The following TRIM5 variants were observed in gnomAD, a reference collection of about 807,000 sequenced individuals.
TRIM5 encodes tripartite motif-containing protein 5.
A neutral mutation model predicts 35.6 loss-of-function variants in TRIM5; 31 were observed. The observed-to-expected ratio is 0.87, with a 90% confidence interval of 0.65 to 1.18. The LOEUF is 1.18. TRIM5 is among the 50% of genes most tolerant of loss of function. The probability of loss-of-function intolerance (pLI) is 0.00; values close to 1 mark genes in which losing one functional copy is unlikely to be tolerated. For missense variants in TRIM5, 609 were observed against 591.6 expected (o/e 1.03, Z -0.31); for synonymous variants, 243 against 215.6 (o/e 1.13, Z -1.11).
the TRIM5 span, among the ~76,000 whole-genome samples, chr11:5,618,923 C>G: frequency 2.6e-5 from 4 of 152,292 alleles, no homozygotes; most frequent in South Asian, 8.3e-4. Context: ...ATCAGTGTAG[C>G]ATGATAAGGA....
At chr11:5,644,428 A>G in the TRIM5 span, 1 of 394,762 alleles carries the variant, frequency 2.5e-6, no homozygotes, top group Non-Finnish European at 4.5e-6. Flanking sequence ...CCTGTGCAAT[A>G]GTTTTGTGGC....
the TRIM5 span, among the ~76,000 whole-genome samples, chr11:5,616,368 T>A: frequency 2.7e-5 from 4 of 146,152 alleles, 2 homozygotes; most frequent in East Asian, 8.8e-4. Context: ...TCTAGGTAAA[T>A]AATATAGTTA....
At position 5,678,362 on chromosome 11, in the gene TRIM5, C is replaced by T; in HGVS notation, c.586G>A (p.Glu196Lys). Residue 196 changes from glutamate to lysine, a missense_variant, in exon 4 of 8, where the codon GAG (glutamate) becomes AAG (lysine). Transcript: ENST00000380034. ...TCCAGGTTTTGCAGCTCATTGCTCT[C>T]CTCCCAGTCCAGGATGTCTCTCAGT... ...EQLRDILDWE[E>K]SNELQNLEKE... The T allele has an allele frequency of 6.2e-7, 1 of 1,612,332 alleles. No homozygotes were observed.
At chr11:5,615,933 ATT>A in the TRIM5 span, among the ~76,000 whole-genome samples, 27 of 121,372 alleles carry the variant, frequency 2.2e-4, 2 homozygotes, top group East Asian at 7.0e-4. Context: ...ATATCTTTTC[ATT>A]TTTTTTTTTT....
chr11:5,594,413 T>C, the TRIM5 span, among the ~76,000 whole-genome samples: 1 of 151,970 alleles, frequency 6.6e-6, no homozygotes, highest in African/African-American at 2.4e-5. Flanking sequence ...GCTCAAGTGA[T>C]CCTCCCACCT....
the TRIM5 span, among the ~76,000 whole-genome samples, chr11:5,597,934 T>A: frequency 4.4e-5 from 6 of 136,476 alleles, no homozygotes; most frequent in Admixed American, 4.5e-4. Flanking sequence ...AATATTAAAG[T>A]GCAGATTCTG....
chr11:5,634,150 G>T, the TRIM5 span, among the ~76,000 whole-genome samples: 5 of 152,140 alleles, frequency 3.3e-5, no homozygotes, highest in African/African-American at 1.2e-4. Context: ...GTGTTCCATT[G>T]CTCTTTTCCA....
the TRIM5 span, among the ~76,000 whole-genome samples, chr11:5,629,157 A>T: frequency 2.6e-5 from 4 of 152,122 alleles, no homozygotes; most frequent in African/African-American, 9.7e-5. Flanking sequence ...TACACCTGTA[A>T]TCCCAGCTAC....
At chr11:5,592,672 T>C in the TRIM5 span, among the ~76,000 whole-genome samples, 1 of 151,904 alleles carries the variant, frequency 6.6e-6, no homozygotes, top group African/African-American at 2.4e-5. Context: ...ATCCCAGCAC[T>C]TTGGGAGACT....
At chr11:5,681,239 G>A (rs1362707332) in intron 1 of TRIM5, among the ~76,000 whole-genome samples, 1 of 152,154 alleles carries the variant, frequency 6.6e-6, no homozygotes, top group Non-Finnish European at 1.5e-5. Context: ...GGAACAAACG[G>A]AGGGTCGGCT....
At chr11:5,672,738 TTA>T (rs1325750543) in intron 4 of TRIM5, among the ~76,000 whole-genome samples, 2 of 152,306 alleles carry the variant, frequency 1.3e-5, no homozygotes, top group African/African-American at 4.8e-5. Context: ...TATTAATAGG[TTA>T]TGACATATAT....
the TRIM5 span, among the ~76,000 whole-genome samples, chr11:5,591,607 C>T: frequency 6.6e-6 from 1 of 151,550 alleles, no homozygotes; most frequent in African/African-American, 2.4e-5. Context: ...ATGATCGTGC[C>T]ATTGCACTCC....
At position 5,665,707 on chromosome 11, in the gene TRIM5, T is replaced by C. The variant is rs1180976433; in HGVS notation, c.869-25A>G. 5 of 1,499,620 alleles carry C rather than the reference T, an allele frequency of 3.3e-6. No individual in the cohort carries two copies. The highest frequency in any genetic ancestry group is 2.3e-5 in the East Asian group (1 of 42,616). The allele number at this position is 1,499,620 out of a possible 1,614,324, so 92.9% of individuals were successfully genotyped here. On this transcript the variant is annotated intron_variant, in intron 6 of 7. Transcript: ENST00000380034. ...TCTGAAATGATAAAAATGCACAATA[T>C]TGAATACAAACAAAGGAGTCAGCAC...
chr11:5,604,674 G>T, the TRIM5 span: 1 of 1,593,212 alleles, frequency 6.3e-7, no homozygotes. Flanking sequence ...AGGAATCATG[G>T]CAGGTCATAG....
the TRIM5 span, chr11:5,596,536 T>TCCCCTC: frequency 2.2e-3 from 12 of 5,380 alleles, no homozygotes; most frequent in Non-Finnish European, 5.1e-3. Flanking sequence ...CCTTCCCCCT[T>TCCCCTC]CCCCCTTCCC....
the TRIM5 span, among the ~76,000 whole-genome samples, chr11:5,614,831 T>G: frequency 1.4e-4 from 21 of 152,202 alleles, no homozygotes; most frequent in Non-Finnish European, 2.6e-4. Flanking sequence ...ATATAATACA[T>G]TTCATAAAGT....
the TRIM5 span, chr11:5,632,599 A>T: frequency 6.2e-7 from 1 of 1,613,612 alleles, no homozygotes; most frequent in South Asian, 1.1e-5. Context: ...GAGCCCAGAC[A>T]ATGGGAAGAA....
chr11:5,622,893 A>T, the TRIM5 span, among the ~76,000 whole-genome samples: 1 of 152,236 alleles, frequency 6.6e-6, no homozygotes, highest in East Asian at 1.9e-4. Flanking sequence ...CAAGGTGGTC[A>T]GGGCACAGCT....
At chr11:5,614,075 G>C in the TRIM5 span, among the ~76,000 whole-genome samples, 1 of 152,182 alleles carries the variant, frequency 6.6e-6, no homozygotes, top group African/African-American at 2.4e-5. Flanking sequence ...TCACAGCTCT[G>C]ACCTTTTCTT....
Sources: allele counts gnomAD v4.1 joint callset (sites outside exome capture counted in the v4.1 genomes callset), GRCh38; gene constraint gnomAD v4.1.1; transcripts MANE v1.5; gene names NCBI Gene and HGNC (gene_info 2026-07-23, HGNC 2026-07-21).